The following BPIFB3 variants were observed in gnomAD, a reference collection of about 807,000 sequenced individuals.
BPIFB3 encodes the protein BPI fold containing family B member 3, also known as BPI fold-containing family B member 3.
Under a neutral mutation model 53.1 loss-of-function variants are expected in BPIFB3, and 49 were observed. That is an observed-to-expected ratio of 0.92 (90% CI 0.73 to 1.17). The LOEUF (loss-of-function observed/expected upper bound fraction) is 1.17. Ranked by LOEUF, BPIFB3 falls within the 50% of genes most tolerant of loss-of-function variation. BPIFB3 has a pLI of 0.00. For missense variants in BPIFB3, 628 were observed against 592.5 expected, an observed-to-expected ratio of 1.06 and a Z score of -0.62; for synonymous variants, 271 against 269.6, an observed-to-expected ratio of 1.01 and a Z score of -0.05.
chr20:33,071,303 C>T lies in BPIFB3; in HGVS notation c.1260+8C>T, dbSNP rs1449003973. On this transcript the variant is annotated splice_region_variant and intron_variant, in intron 12 of 14. Transcript: ENST00000375494. ...TTTACCCATGCCTTTGACGTAAGTT[C>T]CTGGGAGGGTGAGGGGCTTGGCAGT... The T allele has an allele frequency of 6.4e-6, 10 of 1,559,642 alleles. No individual in the cohort carries two copies. Among genetic ancestry groups the T allele is most frequent in the Admixed American group, 1.9e-5 (1 of 51,830 alleles).
At chr20:33,070,750 G>A (rs1201040522) in intron 11 of BPIFB3, among the ~76,000 whole-genome samples, 2 of 152,188 alleles carry the variant, frequency 1.3e-5, no homozygotes, top group South Asian at 2.1e-4. Context: ...CCCCATTGCC[G>A]ACTTTGATGG....
chr20:33,057,606 A>C (rs990936572), intron 2 of BPIFB3, among the ~76,000 whole-genome samples: 1 of 152,112 alleles, frequency 6.6e-6, no homozygotes, highest in Admixed American at 6.5e-5. Flanking sequence ...ATAGGATTCC[A>C]GAACACTCCT....
intron 2 of BPIFB3, among the ~76,000 whole-genome samples, chr20:33,058,491 G>A (rs940371216): frequency 1.3e-5 from 2 of 152,114 alleles, no homozygotes; most frequent in Non-Finnish European, 2.9e-5. Context: ...GCTACTCATG[G>A]GGTTGTTGCC....
At chr20:33,072,760 C>G in exon 14 of BPIFB3, 3 of 1,613,734 alleles carry the variant, frequency 1.9e-6, no homozygotes, top group Non-Finnish European at 2.5e-6. Flanking sequence ...TTCTTAATAT[C>G]AATTTTTCCA....
Position 33,066,880 on chromosome 20 carries a change from G to A in BPIFB3, c.978+3G>A, listed in dbSNP as rs778018376. The A allele has an allele frequency of 9.3e-6, 15 of 1,613,944 alleles. No individual in the cohort carries two copies. Among genetic ancestry groups the A allele is most frequent in the Non-Finnish European group, 1.3e-5 (15 of 1,179,802 alleles). ...ACCTGGCAGCTTTGCTCCCTGAGGTGAGTGACGCTCTCATGGGTTTTGATC... is the reference window on the plus strand; with the variant it reads ...ACCTGGCAGCTTTGCTCCCTGAGGTAAGTGACGCTCTCATGGGTTTTGATC... On this transcript the variant is annotated splice_donor_region_variant and intron_variant, in intron 9 of 14. Coordinates refer to ENST00000375494, the Ensembl canonical transcript of BPIFB3.
exon 6 of BPIFB3, chr20:33,063,632 C>G: frequency 6.2e-7 from 1 of 1,614,082 alleles, no homozygotes; most frequent in African/African-American, 1.3e-5. Flanking sequence ...CCGTGGTGGA[C>G]AGTGTGCTGG....
At chr20:33,072,577 C>T in intron 13 of BPIFB3, 140 bp from the exon 15 acceptor site, 1 of 721,510 alleles carries the variant, frequency 1.4e-6, no homozygotes, top group Non-Finnish European at 2.4e-6. Flanking sequence ...AGGAGTTTGC[C>T]AATAAGAAGC....
exon 3 of BPIFB3, chr20:33,059,436 G>A: frequency 6.2e-7 from 1 of 1,612,946 alleles, no homozygotes; most frequent in South Asian, 1.1e-5. Flanking sequence ...GCCGGGATTT[G>A]GGGTGCAGCT....
At chr20:33,070,531 C>T (rs1425724192) in intron 11 of BPIFB3, among the ~76,000 whole-genome samples, 1 of 152,226 alleles carries the variant, frequency 6.6e-6, no homozygotes, top group Non-Finnish European at 1.5e-5. Context: ...CACGGCAGGC[C>T]GTCCCTAGAG....
At chr20:33,055,592 A>G in intron 1 of BPIFB3, 45 bp downstream of exon 2, 1 of 1,611,364 alleles carries the variant, frequency 6.2e-7, no homozygotes, top group South Asian at 1.1e-5. Context: ...CTGCAATGTC[A>G]ACGACTCAAT....
intron 8 of BPIFB3, among the ~76,000 whole-genome samples, 200 bp downstream of exon 9, chr20:33,065,045 C>T (rs777056153): frequency 6.6e-6 from 1 of 152,208 alleles, no homozygotes; most frequent in African/African-American, 2.4e-5. Flanking sequence ...GATCGTGGTC[C>T]TCTACCTGGT....
At chr20:33,060,710 C>T (rs941030195) in intron 4 of BPIFB3, among the ~76,000 whole-genome samples, 46 of 152,116 alleles carry the variant, frequency 3.0e-4, no homozygotes, top group African/African-American at 3.6e-4. Flanking sequence ...GCTGGGATTA[C>T]GGGCGCCCAC....
chr20:33,071,314 G>A lies in BPIFB3; in HGVS notation c.1260+19G>A. ...CTTTGACGTAAGTTCCTGGGAGGGTGAGGGGCTTGGCAGTGATGAGAGTCT... is the reference window on the plus strand; with the variant it reads ...CTTTGACGTAAGTTCCTGGGAGGGTAAGGGGCTTGGCAGTGATGAGAGTCT... On this transcript the variant is annotated intron_variant, in intron 12 of 14. Transcript: ENST00000375494. 1 of 1,556,462 alleles carries A rather than the reference G, an allele frequency of 6.4e-7. No homozygotes were observed. Among genetic ancestry groups the A allele is most frequent in the Non-Finnish European group, 8.7e-7 (1 of 1,148,954 alleles).
rs369485217 is a variant in BPIFB3 at position 33,064,863 on chromosome 20, G to C, written c.924+18G>C. 1.2e-6 allele frequency: 2 copies of C among 1,604,644 alleles called. No homozygotes were observed. Among genetic ancestry groups the C allele is most frequent in the African/African-American group, 2.7e-5 (2 of 74,850 alleles). ...CTGAGCTGGTGAGTGTGGTGCCCGGGGGATGGGGATGGGGGCTCCTTGCCC... is the reference window on the plus strand; with the variant it reads ...CTGAGCTGGTGAGTGTGGTGCCCGGCGGATGGGGATGGGGGCTCCTTGCCC... On this transcript the variant is annotated intron_variant, in intron 8 of 14. Coordinates refer to ENST00000375494, the Ensembl canonical transcript of BPIFB3.
At chr20:33,066,998 T>C in intron 9 of BPIFB3, 121 bp downstream of exon 10, 1 of 1,005,404 alleles carries the variant, frequency 9.9e-7, no homozygotes, top group Non-Finnish European at 1.5e-6. Flanking sequence ...TGAGTCCAAA[T>C]TCACACTAAA....
At chr20:33,072,868 G>T in intron 14 of BPIFB3, 75 bp downstream of exon 15, 1 of 1,253,336 alleles carries the variant, frequency 8.0e-7, no homozygotes, top group South Asian at 1.2e-5. Context: ...AAACTAATGA[G>T]GGGAATGCTT....
intron 12 of BPIFB3, 117 bp downstream of exon 13, chr20:33,071,412 C>A: frequency 8.2e-7 from 1 of 1,212,140 alleles, no homozygotes; most frequent in Non-Finnish European, 1.2e-6. Flanking sequence ...GGACTGGGAT[C>A]CTCCCCAATT....
At chr20:33,054,381 A>G (rs185070751), upstream of BPIFB3, among the ~76,000 whole-genome samples, 28 of 152,268 alleles carry the variant, frequency 1.8e-4, no homozygotes, top group African/African-American at 6.7e-4. Context: ...AAGGACACAA[A>G]CAGATGCATA....
At chr20:33,063,750 A>T in intron 6 of BPIFB3, 75 bp downstream of exon 7, 1 of 1,467,430 alleles carries the variant, frequency 6.8e-7, no homozygotes, top group Non-Finnish European at 9.3e-7. Context: ...GTAGGGTACG[A>T]AGGGGAGCCA....
Sources: allele counts gnomAD v4.1 joint callset (sites outside exome capture counted in the v4.1 genomes callset), GRCh38; gene constraint gnomAD v4.1.1; transcripts MANE v1.5; gene names NCBI Gene and HGNC (gene_info 2026-07-23, HGNC 2026-07-21).